Variants in CTNND2 observed in about 807,000 individuals in gnomAD.
CTNND2 encodes the protein catenin delta 2, also known as catenin delta-2.
In CTNND2, 22 loss-of-function variants were observed where a neutral mutation model predicts 144.4. The observed-to-expected ratio is 0.15, with a 90% CI of 0.11 to 0.22. CTNND2 has a LOEUF of 0.22. Ranked by LOEUF, CTNND2 falls within the 10% of genes least tolerant of loss-of-function variation. CTNND2 has a pLI of 1.00. For synonymous variants in CTNND2, 751 were observed against 695.6 expected, an observed-to-expected ratio of 1.08 and a Z score of -1.25; for missense variants, 1,353 against 1,618.8, an observed-to-expected ratio of 0.84 and a Z score of 2.82.
intron 18 of CTNND2, among the ~76,000 whole-genome samples, chr5:11,010,564 G>A (rs969239369): frequency 1.3e-5 from 2 of 152,188 alleles, no homozygotes; most frequent in African/African-American, 4.8e-5. Flanking sequence ...CATGGCTACT[G>A]GCTCATCTAT....
intron 16 of CTNND2, among the ~76,000 whole-genome samples, chr5:11,057,195 G>A (rs1392667761): frequency 2.6e-5 from 4 of 152,148 alleles, no homozygotes; most frequent in Non-Finnish European, 5.9e-5. Flanking sequence ...AAAGTAAGCA[G>A]GAAACAAGAG....
chr5:11,119,692 C>A (rs1753886732), intron 12 of CTNND2, among the ~76,000 whole-genome samples: 1 of 152,200 alleles, frequency 6.6e-6, no homozygotes, highest in African/African-American at 2.4e-5. Flanking sequence ...CTGAATCAGA[C>A]CTCTTTGGCC....
At chr5:11,427,583 A>G (rs541129301) in intron 3 of CTNND2, among the ~76,000 whole-genome samples, 4 of 152,222 alleles carry the variant, frequency 2.6e-5, no homozygotes, top group African/African-American at 7.2e-5. Context: ...CCTGGTCCCC[A>G]TCTGCTTTTT....
chr5:11,588,633 C>T, intron 2 of CTNND2: 1 of 400,262 alleles, frequency 2.5e-6, no homozygotes, highest in Non-Finnish European at 3.4e-6. Flanking sequence ...AGAACTTTAA[C>T]CTGCAGTTTT....
chr5:11,193,702 T>A lies in CTNND2; in HGVS notation c.1975+5746A>T, dbSNP rs188156381. On this transcript the variant is annotated intron_variant, in intron 11 of 21. Transcript: ENST00000304623. ...AAGAAGAGCTTTCTTGACAAATTAC[T>A]TAGCTCCTGCTCTGGGGAGAGGGGC... 8.8e-3 allele frequency among the ~76,000 whole-genome samples: 1,333 copies of A among 152,210 alleles called. 17 individuals are homozygous for A. The highest frequency in any genetic ancestry group is 0.056 in the South Asian group (269 of 4,800).
chr5:11,775,918 C>T (rs1490612986), intron 1 of CTNND2, among the ~76,000 whole-genome samples: 1 of 152,026 alleles, frequency 6.6e-6, no homozygotes, highest in Non-Finnish European at 1.5e-5. Flanking sequence ...GACACAGACG[C>T]ACACACACAG....
rs75626699 is a variant in CTNND2, at chr5:11,613,893, T to C, written c.175-48837A>G. 4.5e-3 allele frequency among the ~76,000 whole-genome samples: 682 copies of C among 152,310 alleles called. 14 individuals are homozygous for C. Among genetic ancestry groups the C allele is most frequent in the African/African-American group, 0.016 (655 of 41,580 alleles). ...CATCTGACTCCCGAACAAAACCCCA[T>C]GTCCCCTTCATTCAATGCATCAATT... is the stretch of plus-strand genomic sequence containing the variant. On this transcript the variant is annotated intron_variant, in intron 2 of 21. Coordinates refer to ENST00000304623, the MANE Select transcript of CTNND2 (RefSeq NM_001332.4).
intron 2 of CTNND2, among the ~76,000 whole-genome samples, chr5:11,713,346 T>G (rs569412713): frequency 3.1e-4 from 47 of 152,106 alleles, no homozygotes; most frequent in African/African-American, 1.1e-3. Context: ...TTTGGGAGGC[T>G]GAGGCAGGAG....
At chr5:11,133,369 T>G (rs1755803760) in intron 12 of CTNND2, among the ~76,000 whole-genome samples, 1 of 152,332 alleles carries the variant, frequency 6.6e-6, no homozygotes, top group South Asian at 2.1e-4. Context: ...TTCTTTTTTT[T>G]GAGACGCAGT....
intron 3 of CTNND2, among the ~76,000 whole-genome samples, chr5:11,450,726 C>T (rs1286536991): frequency 6.6e-6 from 1 of 151,780 alleles, no homozygotes; most frequent in Admixed American, 6.6e-5. Context: ...GGTGAAACCC[C>T]GTCCCTACTA....
chr5:11,775,018 G>C (rs929935449), intron 1 of CTNND2, among the ~76,000 whole-genome samples: 7 of 152,084 alleles, frequency 4.6e-5, no homozygotes, highest in Admixed American at 3.3e-4. Context: ...TGACTTTATA[G>C]TCACAGTCAT....
intron 2 of CTNND2, among the ~76,000 whole-genome samples, chr5:11,589,319 A>ACACACACG (rs1561596539): frequency 3.9e-4 from 58 of 150,516 alleles, no homozygotes; most frequent in African/African-American, 1.4e-3. Flanking sequence ...ACACGACAAC[A>ACACACACG]ACAACAACAA....
At chr5:11,023,008 A>G (rs1346687040) in intron 16 of CTNND2, 29 bp from the exon 17 acceptor site, 3 of 1,604,892 alleles carry the variant, frequency 1.9e-6, no homozygotes, top group Non-Finnish European at 2.6e-6. Flanking sequence ...AGAAGAGTTG[A>G]AAGGAGGTCA....
chr5:11,432,792 A>G (rs1295380026), intron 3 of CTNND2, among the ~76,000 whole-genome samples: 1 of 152,206 alleles, frequency 6.6e-6, no homozygotes, highest in Non-Finnish European at 1.5e-5. Context: ...TGCAACAACA[A>G]GTATCTGAAT....
intron 2 of CTNND2, among the ~76,000 whole-genome samples, chr5:11,616,884 GC>G (rs1229796901): frequency 6.6e-6 from 1 of 152,180 alleles, no homozygotes; most frequent in Non-Finnish European, 1.5e-5. Flanking sequence ...TGGGATTACA[GC>G]CGTGAGCCAC....
At chr5:11,052,755 C>A (rs905980283) in intron 16 of CTNND2, among the ~76,000 whole-genome samples, 2 of 152,016 alleles carry the variant, frequency 1.3e-5, no homozygotes, top group Non-Finnish European at 2.9e-5. Flanking sequence ...GGCGGCGGCC[C>A]TGGGCACCAT....
intron 9 of CTNND2, among the ~76,000 whole-genome samples, chr5:11,317,823 G>T (rs1751660663): frequency 6.6e-6 from 1 of 152,158 alleles, no homozygotes; most frequent in African/African-American, 2.4e-5. Flanking sequence ...CTACAAGTAT[G>T]GATCTATGCA....
Position 11,098,390 on chromosome 5 carries a change from G to A in CTNND2, c.2637+185C>T, listed in dbSNP as rs140020857. ...TTTGTAGTGATCTTCAAGGACTCCTGAGCCTTTAAGATCAATTTTTAAAAG... is the reference window on the plus strand; with the variant it reads ...TTTGTAGTGATCTTCAAGGACTCCTAAGCCTTTAAGATCAATTTTTAAAAG... On this transcript the variant is annotated intron_variant, in intron 15 of 21. Coordinates refer to ENST00000304623, the MANE Select transcript of CTNND2 (RefSeq NM_001332.4). 2.7e-3 allele frequency among the ~76,000 whole-genome samples: 417 copies of A among 152,284 alleles called. 12 individuals carry two copies. Among genetic ancestry groups the A allele is most frequent in the Non-Finnish European group, 4.0e-4 (27 of 68,024 alleles).
chr5:11,041,638 C>T (rs1442534324), intron 16 of CTNND2, among the ~76,000 whole-genome samples: 2 of 152,100 alleles, frequency 1.3e-5, no homozygotes, highest in Non-Finnish European at 2.9e-5. Context: ...ATCCTTCTAT[C>T]ATATAAACTG....
Sources: gnomAD v4.1 joint callset for allele counts (sites outside exome capture counted in the v4.1 genomes callset) on GRCh38, gnomAD v4.1.1 for gene constraint, MANE v1.5 for transcripts, NCBI Gene and HGNC (gene_info 2026-07-23, HGNC 2026-07-21) for gene names.